Variants in BMP1 observed in about 807,000 individuals in gnomAD.
The protein encoded by BMP1 is mammalian tolloid protein.
Under a neutral mutation model 116.8 loss-of-function variants are expected in BMP1, and 63 were observed. That is an observed-to-expected ratio of 0.54 (90% CI 0.44 to 0.67). The LOEUF (loss-of-function observed/expected upper bound fraction) is 0.67. BMP1 is among the 30% of genes least tolerant of loss of function. The pLI, the probability that BMP1 is intolerant of heterozygous loss-of-function variation, is 0.00. For missense variants in BMP1, 1,183 were observed against 1,358.9 expected (o/e 0.87, Z 2.04); for synonymous variants, 536 against 533.4 (o/e 1.00, Z -0.07).
chr8:22,181,552 C>CTT (rs113535839), intron 8 of BMP1, among the ~76,000 whole-genome samples: 5 of 143,594 alleles, frequency 3.5e-5, no homozygotes, highest in East Asian at 2.0e-4. Context: ...CTAGCCAGCT[C>CTT]TTTTTTTTTT....
Position 22,211,695 on chromosome 8 carries a change from C to T in BMP1, c.2928C>T (p.Thr976=). The change falls in exon 20 of 20, where the codon ACC becomes ACT. Residue 976 remains threonine, a synonymous_variant. Transcript: ENST00000306385. ...GTTTCCACCTGCGATACACCAGCACCAAGTTCCAGGACACACTCCACAGCA... is the reference window on the plus strand; with the variant it reads ...GTTTCCACCTGCGATACACCAGCACTAAGTTCCAGGACACACTCCACAGCA... The part of the protein sequence containing the change: ...KKGFHLRYTS[T]KFQDTLHSRK The T allele has an allele frequency of 6.2e-7, 1 of 1,614,200 alleles. No homozygotes were observed. The highest frequency in any genetic ancestry group is 8.5e-7 in the Non-Finnish European group (1 of 1,180,036).
rs758636262 is a variant in BMP1 at position 22,195,598 on chromosome 8, C to G, written c.1765+11C>G. ...AGCGCCGCTGTGAGGGTGAGTGCCC[C>G]CAGACTGCCTCTGACCCTGTTCTTT... On this transcript the variant is annotated intron_variant, in intron 13 of 19. Coordinates refer to ENST00000306385, the MANE Select transcript of BMP1 (RefSeq NM_006129.5). 3.7e-6 allele frequency: 6 copies of G among 1,610,698 alleles called. No individual in the cohort carries two copies. The East Asian group carries it at 1.3e-4, about 36-fold the overall frequency.
Position 22,177,934 on chromosome 8 carries a change from T to A in BMP1, c.813T>A (p.His271Gln). ...GETYDFDSIMHYARNTFSRGI... is the reference protein window; with the variant it reads ...GETYDFDSIMQYARNTFSRGI... ...CCTATGACTTCGACAGCATCATGCA[T>A]TACGCTCGGAACACATTCTCCAGGT... The change falls in exon 6 of 20, where the codon CAT (histidine) becomes CAA (glutamine). Residue 271 changes from histidine to glutamine, a missense_variant. By Grantham distance (24) the His-to-Gln change is conservative. Around this residue, in one of 4 missense-constraint regions of BMP1, gnomAD observed 956 missense variants for 1,135.2 expected, o/e 0.84. Transcript: ENST00000306385. 1 of 1,612,860 alleles carries A rather than the reference T, an allele frequency of 6.2e-7. No homozygotes were observed. Among genetic ancestry groups the A allele is most frequent in the Admixed American group, 1.7e-5 (1 of 59,970 alleles).
Position 22,209,523 on chromosome 8 carries a change from C to T in BMP1, c.2654C>T (p.Pro885Leu). The T allele has an allele frequency of 1.9e-6, 3 of 1,614,248 alleles. No homozygotes were observed. Among genetic ancestry groups the T allele is most frequent in the South Asian group, 1.1e-5 (1 of 91,086 alleles). ...SHAQFGDNNYPGGVDCEWVIV... is the reference protein window; with the variant it reads ...SHAQFGDNNYLGGVDCEWVIV... Reference sequence around the variant, plus strand: ...GCCCAGTTTGGCGACAACAACTACCCTGGGGGTGTGGACTGTGAGTGGGTC... The same window carrying T: ...GCCCAGTTTGGCGACAACAACTACCTTGGGGGTGTGGACTGTGAGTGGGTC... Residue 885 changes from proline to leucine, a missense_variant, in exon 19 of 20, where the codon CCT becomes CTT. Coordinates refer to ENST00000306385, the MANE Select transcript of BMP1 (RefSeq NM_006129.5).
chr8:22,206,137 C>G (rs1414406321), intron 16 of BMP1, among the ~76,000 whole-genome samples: 3 of 151,860 alleles, frequency 2.0e-5, no homozygotes, highest in Non-Finnish European at 4.4e-5. Flanking sequence ...AAGGCCTAGG[C>G]AGGTGGATCA....
chr8:22,192,269 G>T, intron 9 of BMP1, 118 bp downstream of exon 9: 1 of 823,916 alleles, frequency 1.2e-6, no homozygotes, highest in Non-Finnish European at 1.9e-6. Context: ...AACCTGGTAT[G>T]GGAGCCAGGA....
chr8:22,173,165 G>C (rs1288441762), intron 1 of BMP1, among the ~76,000 whole-genome samples: 1 of 152,204 alleles, frequency 6.6e-6, no homozygotes, highest in Non-Finnish European at 1.5e-5. Context: ...ATTTGCTGAA[G>C]AATGATGGCT....
Position 22,194,785 on chromosome 8 carries a change from G to A in BMP1, c.1505G>A (p.Ser502Asn), listed in dbSNP as rs778329734. Residue 502 changes from serine (S) to asparagine (N), a missense_variant, in exon 12 of 20, where the codon AGC becomes AAC. Physicochemically the swap from Ser to Asn is conservative, Grantham distance 46. Around this residue, in one of 4 missense-constraint regions of BMP1, gnomAD observed 956 missense variants for 1,135.2 expected, o/e 0.84. Transcript: ENST00000306385. This position sits in a 1 kb window ranked among gnomAD's most constrained non-coding sequence, Gnocchi z 4.5. The stretch of plus-strand genomic sequence containing the variant: ...GAGGTGCGCGACGGGCACAGTGAGA[G>A]CAGCACCCTCATCGGGCGCTACTGT... ...YLEVRDGHSE[S>N]STLIGRYCGY... 5 of 1,614,008 alleles carry A rather than the reference G, an allele frequency of 3.1e-6. No individual in the cohort carries two copies. In the South Asian group the frequency reaches 4.4e-5, roughly 14 times the overall value.
intron 5 of BMP1, chr8:22,177,416 T>C: frequency 1.5e-6 from 1 of 653,720 alleles, no homozygotes; most frequent in South Asian, 1.7e-5. Flanking sequence ...GGGTGGGGCA[T>C]GGGCATAGTG....
In BMP1 at chr8:22,179,903, C is replaced by A; in HGVS notation, c.961+74C>A. The A allele has an allele frequency of 6.8e-7, 1 of 1,465,352 alleles. No individual in the cohort carries two copies. 90.8% of individuals were successfully genotyped at this position (1,465,352 alleles called of 1,614,324 possible). ...GGAGGCAGAGGCCAGGTGCCTGGTG[C>A]CACCAAGAAGGCTTAGGCTGCAAGT... On this transcript the variant is annotated intron_variant, in intron 7 of 19. Transcript: ENST00000306385. The surrounding 1 kb of genome is among the most constrained non-coding windows in gnomAD (Gnocchi z 4.6).
intron 8 of BMP1, among the ~76,000 whole-genome samples, chr8:22,186,512 G>A (rs903641847): frequency 1.8e-4 from 27 of 152,266 alleles, no homozygotes; most frequent in South Asian, 8.3e-4. Context: ...CTGTTGCCCA[G>A]GCTGGAGTGC....
At chr8:22,207,615 A>G in intron 18 of BMP1, 99 bp downstream of exon 18, 5 of 1,375,776 alleles carry the variant, frequency 3.6e-6, no homozygotes, top group Non-Finnish European at 4.0e-6. Context: ...AGAGGGACTG[A>G]GCCCTGCGAC....
chr8:22,174,627 CTTTTTTTTTTT>C (rs57781366), intron 2 of BMP1, among the ~76,000 whole-genome samples: 2 of 106,268 alleles, frequency 1.9e-5, no homozygotes, highest in South Asian at 6.1e-4. Flanking sequence ...TTTTTTCTGT[CTTTTTTTTTTT>C]TTTTTTTTTT....
intron 5 of BMP1, chr8:22,177,496 C>T (rs1828481311): frequency 2.8e-6 from 2 of 707,912 alleles, no homozygotes; most frequent in Non-Finnish European, 5.2e-6. Context: ...CCTGGTCTGC[C>T]CTCCGAGGGC....
intron 16 of BMP1, among the ~76,000 whole-genome samples, chr8:22,202,152 G>A (rs1478354184): frequency 6.6e-6 from 1 of 152,364 alleles, no homozygotes; most frequent in East Asian, 1.9e-4. Flanking sequence ...GCTCACGGCT[G>A]CTCTGAGGCT....
chr8:22,198,888 C>G, intron 15 of BMP1: 1 of 1,126,846 alleles, frequency 8.9e-7, no homozygotes, highest in Non-Finnish European at 1.1e-6. Flanking sequence ...TCTTCCTTCC[C>G]TGTGCCCACC....
chr8:22,176,603 G>A lies in BMP1; in HGVS notation c.504G>A (p.Glu168=). The change falls in exon 4 of 20, where the codon GAG becomes GAA. Residue 168 remains glutamate, a synonymous_variant. Coordinates refer to ENST00000306385, the MANE Select transcript of BMP1 (RefSeq NM_006129.5). ...AGCACACCTGTGTCACCTTCCTGGA[G>A]CGCACTGACGAGGACAGCTATATTG... ...WEKHTCVTFL[E]RTDEDSYIVF... is the part of the protein sequence containing the mutation. The A allele has an allele frequency of 6.2e-7, 1 of 1,614,216 alleles. No individual in the cohort carries two copies. The highest frequency in any genetic ancestry group is 8.5e-7 in the Non-Finnish European group (1 of 1,180,024).
intron 16 of BMP1, among the ~76,000 whole-genome samples, chr8:22,204,402 A>G (rs191351218): frequency 6.6e-6 from 1 of 152,290 alleles, no homozygotes; most frequent in East Asian, 1.9e-4. Context: ...CAATAATGTC[A>G]TCATGAATAA....
intron 1 of BMP1, 26 bp from the exon 2 acceptor site, chr8:22,173,576 G>C (rs774432315): frequency 6.3e-7 from 1 of 1,584,138 alleles, no homozygotes; most frequent in Non-Finnish European, 8.6e-7. Context: ...GATTAACTCA[G>C]CCCTGGCTTC....
Sources: allele counts gnomAD v4.1 joint callset (sites outside exome capture counted in the v4.1 genomes callset), GRCh38; gene constraint gnomAD v4.1.1; regional missense constraint gnomAD v4.1.1; non-coding constraint Gnocchi (gnomAD v3.1); transcripts MANE v1.5; gene names NCBI Gene and HGNC (gene_info 2026-07-23, HGNC 2026-07-21).